MACROD2: variants seen among roughly 807,000 people sequenced by gnomAD.
MACROD2 encodes the protein mono-ADP ribosylhydrolase 2.
Under a neutral mutation model 70.4 loss-of-function variants are expected in MACROD2, and 36 were observed. The observed-to-expected ratio is 0.51, with a 90% CI of 0.39 to 0.68. MACROD2 has a LOEUF of 0.68. Ranked by LOEUF, MACROD2 falls within the 30% of genes least tolerant of loss-of-function variation. The pLI is 0.00. For missense variants in MACROD2, 496 were observed against 538.4 expected (o/e 0.92, Z 0.78); for synonymous variants, 172 against 178.8 (o/e 0.96, Z 0.30).
chr20:15,906,023 AG>A (rs1488075522), intron 10 of MACROD2, among the ~76,000 whole-genome samples: 1 of 152,250 alleles, frequency 6.6e-6, no homozygotes, highest in Non-Finnish European at 1.5e-5. Flanking sequence ...CTCCATCCTG[AG>A]AATTCCCCAC....
intron 3 of MACROD2, among the ~76,000 whole-genome samples, chr20:14,266,605 G>A (rs2082146416): frequency 6.6e-6 from 1 of 151,910 alleles, no homozygotes; most frequent in Non-Finnish European, 1.5e-5. Flanking sequence ...CTCTCTTCAA[G>A]TTTAGTAAAA....
intron 2 of MACROD2, chr20:14,003,691 C>A: frequency 2.1e-6 from 1 of 482,424 alleles, no homozygotes; most frequent in Admixed American, 2.3e-5. Flanking sequence ...TAGCCAGTCC[C>A]CACAGTGTAA....
chr20:15,924,230 C>T (rs935470554), intron 10 of MACROD2, among the ~76,000 whole-genome samples: 1 of 152,178 alleles, frequency 6.6e-6, no homozygotes, highest in Non-Finnish European at 1.5e-5. Flanking sequence ...TTGGTTTTTG[C>T]TTCCCATGAT....
At chr20:14,368,724 C>G (rs1301853721) in intron 3 of MACROD2, among the ~76,000 whole-genome samples, 1 of 152,050 alleles carries the variant, frequency 6.6e-6, no homozygotes, top group Non-Finnish European at 1.5e-5. Context: ...TGTGTGTTCT[C>G]TGAGGTCTCT....
rs548934309 is a variant in MACROD2 at position 14,132,541 on chromosome 20, A to T, written c.271+46813A>T. On this transcript the variant is annotated intron_variant, in intron 3 of 17. Coordinates refer to ENST00000684519, the MANE Select transcript of MACROD2 (RefSeq NM_001351661.2). ...CAACACATTTGAAAGATAAATTCCA[A>T]CTAATGATTAATGTTCTTTGCAGAG... Among the ~76,000 whole-genome samples the T allele has an allele frequency of 7.0e-4, 106 of 152,358 alleles. 1 individual carries two copies. In the South Asian group the frequency reaches 0.02, roughly 29 times the overall value.
rs2048738575 is a variant in MACROD2 at position 15,595,781 on chromosome 20, C to T, written c.645+95934C>T. The stretch of plus-strand genomic sequence containing the variant: ...CAGTAATAATCTGTTGGTGGTGGGA[C>T]TATCTGTGATGTGTGTAAATGCTTT... On this transcript the variant is annotated intron_variant, in intron 8 of 17. Transcript: ENST00000684519. 2.0e-5 allele frequency among the ~76,000 whole-genome samples: 3 copies of T among 152,232 alleles called. No homozygotes were observed. The South Asian group carries it at 6.2e-4, about 32-fold the overall frequency.
intron 5 of MACROD2, among the ~76,000 whole-genome samples, chr20:14,922,815 T>C (rs1433281679): frequency 6.6e-6 from 1 of 152,196 alleles, no homozygotes; most frequent in Admixed American, 6.5e-5. Flanking sequence ...TTTCCTTTTA[T>C]TGAGTAATTT....
chr20:14,089,986 A>G (rs944112514), intron 3 of MACROD2, among the ~76,000 whole-genome samples: 1 of 152,260 alleles, frequency 6.6e-6, no homozygotes, highest in Middle Eastern at 3.4e-3. Flanking sequence ...CACCTAGGTA[A>G]TGAGCATAGT....
At chr20:15,846,660 C>CG (rs1399513926) in intron 8 of MACROD2, among the ~76,000 whole-genome samples, 1 of 152,036 alleles carries the variant, frequency 6.6e-6, no homozygotes, top group East Asian at 1.9e-4. Flanking sequence ...ACAAGCCTTA[C>CG]GTAAGCCATG....
intron 5 of MACROD2, among the ~76,000 whole-genome samples, chr20:14,734,398 G>A (rs1381471003): frequency 2.0e-5 from 3 of 150,664 alleles, no homozygotes; most frequent in Non-Finnish European, 3.0e-5. Context: ...CTACTCAGGA[G>A]GCTGAGGCAG....
intron 5 of MACROD2, among the ~76,000 whole-genome samples, chr20:14,814,660 A>G (rs913163235): frequency 2.6e-5 from 4 of 152,036 alleles, no homozygotes; most frequent in Non-Finnish European, 5.9e-5. Context: ...TCATTTATTC[A>G]ATAAAAACTA....
At chr20:14,358,559 T>G (rs1405077197) in intron 3 of MACROD2, among the ~76,000 whole-genome samples, 2 of 151,994 alleles carry the variant, frequency 1.3e-5, no homozygotes, top group African/African-American at 2.4e-5. Context: ...CTGGTTCAAG[T>G]GATTCTCCTG....
chr20:14,414,854 C>G (rs1344181236), intron 3 of MACROD2, among the ~76,000 whole-genome samples: 1 of 151,994 alleles, frequency 6.6e-6, no homozygotes, highest in Non-Finnish European at 1.5e-5. Flanking sequence ...ATCAGTGAGG[C>G]CTTCCCTGAC....
At chr20:15,755,648 GT>G (rs1215466716) in intron 8 of MACROD2, among the ~76,000 whole-genome samples, 1 of 152,128 alleles carries the variant, frequency 6.6e-6, no homozygotes, top group Non-Finnish European at 1.5e-5. Flanking sequence ...TTTGCCATAT[GT>G]TTCTCTATTA....
At chr20:14,160,437 A>T (rs1227252653) in intron 3 of MACROD2, among the ~76,000 whole-genome samples, 2 of 152,166 alleles carry the variant, frequency 1.3e-5, no homozygotes, top group Admixed American at 6.5e-5. Context: ...TTTCTTCCTC[A>T]TTCAATCCAG....
chr20:14,114,623 A>T (rs1438904485), intron 3 of MACROD2, among the ~76,000 whole-genome samples: 1 of 152,126 alleles, frequency 6.6e-6, no homozygotes, highest in Admixed American at 6.6e-5. Context: ...GTGGTAACAA[A>T]TTATTTCTAA....
At chr20:14,399,021 AT>A (rs57218208) in intron 3 of MACROD2, among the ~76,000 whole-genome samples, 2,161 of 138,990 alleles carry the variant, frequency 0.016, 35 homozygotes, top group African/African-American at 0.046. Flanking sequence ...CTCAATGAGT[AT>A]TTTTTTTTTT....
chr20:15,521,542 A>G (rs1188827218), intron 8 of MACROD2, among the ~76,000 whole-genome samples: 2 of 152,210 alleles, frequency 1.3e-5, no homozygotes, highest in African/African-American at 4.8e-5. Context: ...AACGGACATG[A>G]TAAGAGTTTC....
chr20:14,979,123 T>G (rs968618019), intron 5 of MACROD2, among the ~76,000 whole-genome samples: 1 of 150,686 alleles, frequency 6.6e-6, no homozygotes, highest in South Asian at 2.1e-4. Flanking sequence ...AGCTAATTTT[T>G]TTTTTTTTTA....
Sources: gnomAD v4.1 joint callset for allele counts (sites outside exome capture counted in the v4.1 genomes callset) on GRCh38, gnomAD v4.1.1 for gene constraint, MANE v1.5 for transcripts, NCBI Gene and HGNC (gene_info 2026-07-23, HGNC 2026-07-21) for gene names.